The following EXOSC10 variants were observed in gnomAD, a reference collection of about 807,000 sequenced individuals.
EXOSC10 encodes exosome complex component 10.
A neutral mutation model predicts 126.6 loss-of-function variants in EXOSC10; 94 were observed. The observed-to-expected ratio is 0.74, with a 90% CI of 0.63 to 0.88. EXOSC10 has a LOEUF of 0.88. Ranked by LOEUF, EXOSC10 falls within the 40% of genes least tolerant of loss-of-function variation. EXOSC10 has a pLI of 0.00. For synonymous variants in EXOSC10, 395 were observed against 400.8 expected, an observed-to-expected ratio of 0.99 and a Z score of 0.17; for missense variants, 1,041 against 1,100.5, an observed-to-expected ratio of 0.95 and a Z score of 0.77.
chr1:11,091,399 C>A, intron 4 of EXOSC10, 94 bp downstream of exon 4: 1 of 1,134,194 alleles, frequency 8.8e-7, no homozygotes, highest in South Asian at 1.5e-5. Flanking sequence ...GGCCAGTTCT[C>A]TAATAAATTA....
At chr1:11,083,233 G>A (rs945621815) in intron 9 of EXOSC10, among the ~76,000 whole-genome samples, 7 of 152,268 alleles carry the variant, frequency 4.6e-5, no homozygotes, top group African/African-American at 1.7e-4. Flanking sequence ...ACAGGCCTGA[G>A]CCACCTCACC....
intron 9 of EXOSC10, among the ~76,000 whole-genome samples, chr1:11,084,442 GT>G (rs1156983713): frequency 6.6e-6 from 1 of 152,190 alleles, no homozygotes; most frequent in Non-Finnish European, 1.5e-5. Context: ...AGAAGTGTCT[GT>G]TCATGTCCTT....
At chr1:11,073,023 A>G (rs2100955869) in intron 19 of EXOSC10, 1 of 152,370 alleles carries the variant, frequency 6.6e-6, no homozygotes, top group South Asian at 2.1e-4. Context: ...ACAGACATCT[A>G]TAAAAATGCA....
chr1:11,096,471 C>CTTT (rs70977546), intron 2 of EXOSC10, among the ~76,000 whole-genome samples: 2 of 118,788 alleles, frequency 1.7e-5, no homozygotes, highest in Admixed American at 9.1e-5. Context: ...TTCTTTCTTT[C>CTTT]TTTTTTTTTT....
chr1:11,071,893 C>G, intron 20 of EXOSC10, 194 bp downstream of exon 20: 1 of 535,098 alleles, frequency 1.9e-6, no homozygotes, highest in Non-Finnish European at 3.3e-6. Context: ...GCACCTCCAG[C>G]ACTCCCCACC....
chr1:11,085,229 T>C (rs903230661), intron 9 of EXOSC10, among the ~76,000 whole-genome samples: 11 of 152,214 alleles, frequency 7.2e-5, no homozygotes, highest in Admixed American at 1.3e-4. Context: ...AGTATGGCCA[T>C]TTTCACGATA....
intron 4 of EXOSC10, 57 bp from the exon 5 acceptor site, chr1:11,091,236 T>A: frequency 1.3e-6 from 2 of 1,500,848 alleles, no homozygotes; most frequent in Non-Finnish European, 1.8e-6. Flanking sequence ...ATTAGAAAAG[T>A]AAATTCCAAT....
intron 3 of EXOSC10, among the ~76,000 whole-genome samples, chr1:11,094,461 A>AT: frequency 6.6e-6 from 1 of 150,466 alleles, no homozygotes; most frequent in South Asian, 2.1e-4. Context: ...CACTCAGCTA[A>AT]TTTTTTATAT....
In EXOSC10 at chr1:11,079,931, G is replaced by A. The variant is rs115820311; in HGVS notation, c.1638-109C>T. On this transcript the variant is annotated intron_variant, in intron 13 of 24. Coordinates refer to ENST00000376936, the MANE Select transcript of EXOSC10 (RefSeq NM_001001998.3). Reference sequence around the variant, plus strand: ...AAGCCAGGCTGCCACCTAAGCTGAAGCTACAGGTAGGTGACTAAGGAAACA... The same window carrying A: ...AAGCCAGGCTGCCACCTAAGCTGAAACTACAGGTAGGTGACTAAGGAAACA... 1.0e-3 allele frequency: 872 copies of A among 855,962 alleles called. 10 individuals are homozygous for A. In the African/African-American group the frequency reaches 0.011, roughly 11 times the overall value. 53.0% of individuals were successfully genotyped at this position (855,962 alleles called of 1,614,324 possible).
At chr1:11,080,358 C>T (rs1640073443) in intron 13 of EXOSC10, 141 bp downstream of exon 13, 2 of 1,048,642 alleles carry the variant, frequency 1.9e-6, no homozygotes, top group African/African-American at 1.6e-5. Flanking sequence ...TTCTATATTC[C>T]TTCAACTTGC....
chr1:11,092,277 C>A (rs943818524), intron 3 of EXOSC10, among the ~76,000 whole-genome samples: 2 of 151,816 alleles, frequency 1.3e-5, no homozygotes, highest in African/African-American at 4.8e-5. Context: ...AGTGTAATGG[C>A]GTGATCTCAG....
At chr1:11,085,101 G>A (rs1221906836) in intron 9 of EXOSC10, among the ~76,000 whole-genome samples, 3 of 152,202 alleles carry the variant, frequency 2.0e-5, no homozygotes, top group African/African-American at 7.2e-5. Flanking sequence ...GGATTGACTT[G>A]GCGATGCAGG....
At chr1:11,085,832 C>T (rs879603690) in intron 9 of EXOSC10, among the ~76,000 whole-genome samples, 12 of 151,850 alleles carry the variant, frequency 7.9e-5, no homozygotes, top group African/African-American at 1.9e-4. Flanking sequence ...TAGCATGAAG[C>T]GTTGTTGAAT....
intron 6 of EXOSC10, among the ~76,000 whole-genome samples, chr1:11,088,643 G>A (rs1392376328): frequency 1.3e-5 from 2 of 152,104 alleles, no homozygotes; most frequent in African/African-American, 2.4e-5. Context: ...CTCAACTTGT[G>A]GTGTGTTCCT....
chr1:11,096,794 T>C (rs1641123220), intron 2 of EXOSC10, among the ~76,000 whole-genome samples: 1 of 152,160 alleles, frequency 6.6e-6, no homozygotes, highest in Non-Finnish European at 1.5e-5. Flanking sequence ...TACTTTTTGA[T>C]GAAACCAATA....
chr1:11,080,561 A>ACACACACAC lies in EXOSC10; in HGVS notation c.1587-13_1587-12insGTGTGTGTG, dbSNP rs1557704190. On this transcript the variant is annotated splice_polypyrimidine_tract_variant and intron_variant, in intron 12 of 24. Coordinates refer to ENST00000376936, the MANE Select transcript of EXOSC10 (RefSeq NM_001001998.3). ...TTGGCAGTACATATCTGGAAAAAAA[A>ACACACACAC]AAACACACACACACACACACACACA... is the stretch of plus-strand genomic sequence containing the variant. 121 of 1,504,896 alleles carry ACACACACAC rather than the reference A, an allele frequency of 8.0e-5. No individual in the cohort carries two copies. In the African/African-American group the frequency reaches 2.0e-3, roughly 25 times the overall value. The allele number at this position is 1,504,896 out of a possible 1,614,324, so 93.2% of individuals were successfully genotyped here. A position where few individuals can be genotyped will look rare whatever the true frequency, so the allele number is the denominator to read the frequency against.
chr1:11,092,675 G>A (rs562467734), intron 3 of EXOSC10, among the ~76,000 whole-genome samples: 3 of 151,932 alleles, frequency 2.0e-5, no homozygotes, highest in East Asian at 3.9e-4. Context: ...ACGCCACCAC[G>A]CCCAGCTAAT....
In EXOSC10 at chr1:11,072,110, T is replaced by C. The variant is rs1190138912; in HGVS notation, c.2219A>G (p.Lys740Arg). Residue 740 changes from lysine (K) to arginine (R), a missense_variant, in exon 20 of 25, where the codon AAG (lysine) becomes AGG (arginine). By Grantham distance (26) the Lys-to-Arg change is conservative. Transcript: ENST00000376936. ...ACCTGTTTGCTCAGCTGCCTTCTTC[T>C]TGACAGCTTCTTTAGAGTCTTTTTG... is the stretch of plus-strand genomic sequence containing the variant. ...QVQKDSKEAV[K>R]KKAAEQTAAR... is the part of the protein sequence containing the mutation. The C allele has an allele frequency of 1.2e-6, 2 of 1,613,924 alleles. No homozygotes were observed. The highest frequency in any genetic ancestry group is 8.5e-7 in the Non-Finnish European group (1 of 1,179,914).
intron 21 of EXOSC10, 89 bp from the exon 22 acceptor site, chr1:11,069,819 CTG>C: frequency 7.1e-7 from 1 of 1,410,978 alleles, no homozygotes; most frequent in East Asian, 2.3e-5. Context: ...TGGGACCCAG[CTG>C]CCTAAGTGGT....
Sources: allele counts gnomAD v4.1 joint callset (sites outside exome capture counted in the v4.1 genomes callset), GRCh38; gene constraint gnomAD v4.1.1; transcripts MANE v1.5; gene names NCBI Gene and HGNC (gene_info 2026-07-23, HGNC 2026-07-21).